CHAT: variants seen among roughly 807,000 people sequenced by gnomAD.
CHAT encodes the protein acetyl CoA:choline O-acetyltransferase.
A neutral mutation model predicts 76.9 loss-of-function variants in CHAT; 61 were observed. The observed-to-expected ratio is 0.79, with a 90% CI of 0.65 to 0.98. The LOEUF (loss-of-function observed/expected upper bound fraction) is 0.98, where lower values mean the gene tolerates loss of function less well. CHAT is among the 50% of genes least tolerant of loss of function. The pLI is 0.00. For missense variants in CHAT, 946 were observed against 986.9 expected, an observed-to-expected ratio of 0.96 and a Z score of 0.56; for synonymous variants, 407 against 397.4, an observed-to-expected ratio of 1.02 and a Z score of -0.29.
intron 11 of CHAT, among the ~76,000 whole-genome samples, chr10:49,653,903 C>T (rs867637150): frequency 1.3e-5 from 2 of 152,278 alleles, no homozygotes; most frequent in South Asian, 2.1e-4. Flanking sequence ...CTGCACAATG[C>T]ACCCCTCCTC....
rs760299925 is a variant in CHAT, at chr10:49,662,744, T to C, written c.1939T>C (p.Tyr647His). 1 of 1,614,194 alleles carries C rather than the reference T, an allele frequency of 6.2e-7. No individual in the cohort carries two copies. The highest frequency in any genetic ancestry group is 8.5e-7 in the Non-Finnish European group (1 of 1,180,036). The change falls in exon 14 of 15, where the codon TAC becomes CAC. Residue 647 changes from tyrosine to histidine, a missense_variant. This residue lies in a region of CHAT where 349 missense variants were observed against 393.9 expected (regional missense o/e 0.89). Coordinates refer to ENST00000337653, the MANE Select transcript of CHAT (RefSeq NM_020549.5). ...ELPEMFMDETYLMSNRFVLST... is the reference protein window; with the variant it reads ...ELPEMFMDETHLMSNRFVLST... ...GCCCGAGATGTTCATGGATGAAACC[T>C]ACCTGATGAGCAACCGGTTTGTCCT...
At chr10:49,626,170 G>A (rs971772633) in intron 6 of CHAT, among the ~76,000 whole-genome samples, 2 of 152,140 alleles carry the variant, frequency 1.3e-5, no homozygotes, top group Non-Finnish European at 2.9e-5. Context: ...CCAAGAGTGG[G>A]AAGGAATCCT....
At chr10:49,651,001 C>G (rs1215905461) in intron 10 of CHAT, among the ~76,000 whole-genome samples, 1 of 152,026 alleles carries the variant, frequency 6.6e-6, no homozygotes, top group Non-Finnish European at 1.5e-5. Context: ...CCCAAGGCCC[C>G]CAGCTCCACC....
At chr10:49,611,161 T>C (rs1341367921), upstream of CHAT, 3 of 1,614,170 alleles carry the variant, frequency 1.9e-6, no homozygotes, top group Admixed American at 1.7e-5. Flanking sequence ...AGTGAACCCC[T>C]TGAGCGGGCC....
At chr10:49,624,753 A>G (rs1838855513) in intron 5 of CHAT, among the ~76,000 whole-genome samples, 2 of 152,000 alleles carry the variant, frequency 1.3e-5, no homozygotes, top group African/African-American at 2.4e-5. Flanking sequence ...GGATGGATGG[A>G]TGGAAAGATG....
At chr10:49,644,242 A>C (rs1839585298) in intron 7 of CHAT, among the ~76,000 whole-genome samples, 1 of 152,198 alleles carries the variant, frequency 6.6e-6, no homozygotes, top group Non-Finnish European at 1.5e-5. Context: ...GGATGTCCAC[A>C]GGATCAGGGA....
At chr10:49,658,645 G>T (rs1426880499) in intron 13 of CHAT, among the ~76,000 whole-genome samples, 1 of 152,226 alleles carries the variant, frequency 6.6e-6, no homozygotes, top group Non-Finnish European at 1.5e-5. Flanking sequence ...GGAGTCGGAA[G>T]TTGCGGTGAG....
chr10:49,611,565 C>T (rs145315435), upstream of CHAT: 562 of 1,606,594 alleles, frequency 3.5e-4, 1 homozygote, highest in Non-Finnish European at 4.5e-4. Flanking sequence ...CTCGGGCCAA[C>T]CTGCCAGTGG....
At position 49,625,544 on chromosome 10, in the gene CHAT, G is replaced by A; in HGVS notation, c.824G>A (p.Gly275Glu). 1 of 1,613,732 alleles carries A rather than the reference G, an allele frequency of 6.2e-7. No individual in the cohort carries two copies. The highest frequency in any genetic ancestry group is 8.5e-7 in the Non-Finnish European group (1 of 1,179,974). Residue 275 changes from glycine (G) to glutamate (E), a missense_variant, in exon 6 of 15, where the codon GGG (glycine) becomes GAG (glutamate). Coordinates refer to ENST00000337653, the MANE Select transcript of CHAT (RefSeq NM_020549.5). ...CCCCTTTGCATGAAGCAATACTATG[G>A]GCTCTTCTCCTCCTACCGGCTCCCC... ...GQPLCMKQYY[G>E]LFSSYRLPGH... is the part of the protein sequence containing the mutation.
At chr10:49,661,907 C>A (rs1410724860) in intron 13 of CHAT, among the ~76,000 whole-genome samples, 5 of 152,170 alleles carry the variant, frequency 3.3e-5, no homozygotes, top group Admixed American at 2.6e-4. Context: ...ATATTTCTAT[C>A]CTTTGATAAA....
chr10:49,651,891 A>G lies in CHAT; in HGVS notation c.1519A>G (p.Lys507Glu). The change falls in exon 11 of 15, where the codon AAG becomes GAG. Residue 507 changes from lysine (K) to glutamate (E), a missense_variant. Coordinates refer to ENST00000337653, the MANE Select transcript of CHAT (RefSeq NM_020549.5). ...TTTCTTTTTCTTCCTCAGAATAGTA[A>G]AGAACCTTGACTTCATTGTCTATAA... ...SSAEKLQRIV[K>E]NLDFIVYKFD... The G allele has an allele frequency of 6.2e-7, 1 of 1,613,986 alleles. No homozygotes were observed. The highest frequency in any genetic ancestry group is 1.1e-5 in the South Asian group (1 of 91,052).
chr10:49,655,432 C>G lies in CHAT; in HGVS notation c.1823C>G (p.Thr608Ser). 1.2e-6 allele frequency: 2 copies of G among 1,614,116 alleles called. No individual in the cohort carries two copies. Among genetic ancestry groups the G allele is most frequent in the Middle Eastern group, 1.6e-4 (1 of 6,062 alleles). The change falls in exon 13 of 15, where the codon ACT becomes AGT. Residue 608 changes from threonine to serine, a missense_variant. Transcript: ENST00000337653. ...CTGAAGGATGCCATCCGTGCCCAGA[C>G]TGCATACACAGTCATGGTGAGTGAC... Reference protein sequence around the residue: ...LLLKDAIRAQTAYTVMAITGM... With the variant: ...LLLKDAIRAQSAYTVMAITGM...
At chr10:49,656,267 C>T (rs1590621671) in intron 13 of CHAT, among the ~76,000 whole-genome samples, 1 of 145,248 alleles carries the variant, frequency 6.9e-6, no homozygotes, top group South Asian at 2.2e-4. Flanking sequence ...ATAGCACCCA[C>T]TCATGTATTC....
intron 8 of CHAT, 31 bp from the exon 9 acceptor site, chr10:49,648,476 A>G: frequency 3.8e-6 from 6 of 1,586,664 alleles, no homozygotes; most frequent in Non-Finnish European, 5.2e-6. Flanking sequence ...TGACTCTCCC[A>G]TGATCGCCCA....
chr10:49,634,613 C>T (rs1839236319), intron 7 of CHAT, among the ~76,000 whole-genome samples: 1 of 152,224 alleles, frequency 6.6e-6, no homozygotes, highest in African/African-American at 2.4e-5. Flanking sequence ...CTCTCTTTAC[C>T]TTCTCCCTAG....
intron 10 of CHAT, among the ~76,000 whole-genome samples, chr10:49,650,278 G>A (rs1839833821): frequency 6.6e-6 from 1 of 152,184 alleles, no homozygotes; most frequent in Non-Finnish European, 1.5e-5. Flanking sequence ...TGAGAACACA[G>A]AAAGTTAAGT....
Position 49,666,159 on chromosome 10 carries a change from G to T in CHAT, c.*1113G>T, listed in dbSNP as rs1232542358. On this transcript the variant is annotated 3_prime_UTR_variant, in exon 15 of 15. Transcript: ENST00000337653. ...GAGCCTAGAGCAGGGCTCTCTTCTGGCCTCAGGGACTTAGGGGACAGCTGG... is the reference window on the plus strand; with the variant it reads ...GAGCCTAGAGCAGGGCTCTCTTCTGTCCTCAGGGACTTAGGGGACAGCTGG... Among the ~76,000 whole-genome samples the T allele has an allele frequency of 6.6e-6, 1 of 152,142 alleles. No individual in the cohort carries two copies. The highest frequency in any genetic ancestry group is 2.4e-5 in the African/African-American group (1 of 41,436).
intron 11 of CHAT, among the ~76,000 whole-genome samples, chr10:49,653,028 T>G (rs1839928522): frequency 1.3e-5 from 2 of 152,042 alleles, no homozygotes; most frequent in African/African-American, 4.8e-5. Context: ...CTGTGAATTA[T>G]CTTGTTTGCA....
intron 6 of CHAT, among the ~76,000 whole-genome samples, chr10:49,627,364 G>A (rs374765161): frequency 2.0e-5 from 3 of 152,184 alleles, no homozygotes; most frequent in African/African-American, 7.2e-5. Context: ...AATGGATTCC[G>A]TGAACCATGA....
Sources: gnomAD v4.1 joint callset for allele counts (sites outside exome capture counted in the v4.1 genomes callset) on GRCh38, gnomAD v4.1.1 for gene constraint, gnomAD v4.1.1 regional missense constraint, MANE v1.5 for transcripts, NCBI Gene and HGNC (gene_info 2026-07-23, HGNC 2026-07-21) for gene names.